The following FAM47E variants were observed in gnomAD, a reference collection of about 807,000 sequenced individuals.
FAM47E encodes the protein protein FAM47E.
In FAM47E, 32 loss-of-function variants were observed where a neutral mutation model predicts 41.6. The observed-to-expected ratio is 0.77, with a 90% CI of 0.58 to 1.03. The LOEUF (loss-of-function observed/expected upper bound fraction) is 1.03, where lower values mean the gene tolerates loss of function less well. Among genes scored for constraint, FAM47E ranks in the 50% least tolerant of loss-of-function variants. The probability of loss-of-function intolerance (pLI) is 0.00; values close to 1 mark genes in which losing one functional copy is unlikely to be tolerated. For missense variants in FAM47E, 424 were observed against 485.4 expected, an observed-to-expected ratio of 0.87 and a Z score of 1.19; for synonymous variants, 184 against 188.7, an observed-to-expected ratio of 0.98 and a Z score of 0.20.
intron 2 of FAM47E, among the ~76,000 whole-genome samples, chr4:76,241,168 T>C (rs955848447): frequency 2.6e-5 from 4 of 152,222 alleles, no homozygotes; most frequent in African/African-American, 4.8e-5. Flanking sequence ...TTTCTAAGCC[T>C]GTCCCTGGGC....
At chr4:76,256,639 T>G in intron 2 of FAM47E, 116 bp downstream of exon 2, 2 of 1,262,604 alleles carry the variant, frequency 1.6e-6, no homozygotes, top group East Asian at 2.6e-5. Flanking sequence ...GAGTGATGAA[T>G]GTCTCCCCCA....
At position 76,239,438 on chromosome 4, in the gene FAM47E, G is replaced by T. The variant is rs549387544; in HGVS notation, c.81+21750G>T. Among the ~76,000 whole-genome samples, 519 of 152,216 alleles carry T rather than the reference G, an allele frequency of 3.4e-3. 2 individuals are homozygous for T. Among genetic ancestry groups the T allele is most frequent in the African/African-American group, 0.012 (497 of 41,548 alleles). On this transcript the variant is annotated intron_variant, in intron 2 of 7. Transcript: ENST00000510197. ...TAGTAGCCATCCTAATAAGGGTGGGGTGGTATCTCATTGTTATTTTGATCT... is the reference window on the plus strand; with the variant it reads ...TAGTAGCCATCCTAATAAGGGTGGGTTGGTATCTCATTGTTATTTTGATCT...
chr4:76,249,103 C>T (rs1733895240), upstream of FAM47E, among the ~76,000 whole-genome samples: 2 of 152,070 alleles, frequency 1.3e-5, no homozygotes, highest in African/African-American at 2.4e-5. Flanking sequence ...TGGTACGTGC[C>T]TGTAATCCTA....
intron 2 of FAM47E, among the ~76,000 whole-genome samples, chr4:76,262,265 A>G (rs1734450098): frequency 1.3e-5 from 2 of 152,214 alleles, no homozygotes; most frequent in South Asian, 4.1e-4. Flanking sequence ...AAAAGAAAAA[A>G]AGCAACTATT....
intron 2 of FAM47E, among the ~76,000 whole-genome samples, chr4:76,230,646 A>T (rs997398511): frequency 3.3e-5 from 5 of 152,226 alleles, no homozygotes; most frequent in Admixed American, 6.5e-5. Flanking sequence ...GGGGTATGTG[A>T]GAGAGAGAGG....
At chr4:76,234,676 A>C (rs1733554340) in intron 2 of FAM47E, 1 of 152,280 alleles carries the variant, frequency 6.6e-6, no homozygotes, top group African/African-American at 2.4e-5. Context: ...TTGGCAGGCC[A>C]AGTTGAGAGG....
At chr4:76,248,096 A>G (rs1733870580), upstream of FAM47E, among the ~76,000 whole-genome samples, 1 of 151,444 alleles carries the variant, frequency 6.6e-6, no homozygotes, top group African/African-American at 2.4e-5. Context: ...TTGTATTTTT[A>G]GTAGAGATGG....
rs1578792947 is a variant in FAM47E, at chr4:76,268,494, A to G, written c.561-166A>G. 49 of 616,664 alleles carry G rather than the reference A, an allele frequency of 7.9e-5. No individual in the cohort carries two copies. In the East Asian group the frequency reaches 1.4e-3, roughly 18 times the overall value. 38.2% of individuals were successfully genotyped at this position (616,664 alleles called of 1,614,324 possible). On this transcript the variant is annotated intron_variant, in intron 3 of 7. Coordinates refer to ENST00000424749, the MANE Select transcript of FAM47E (RefSeq NM_001136570.3). The stretch of plus-strand genomic sequence containing the variant: ...ATATACTTGTCTTTATGATATTCGT[A>G]ATGAGAATGTGCTCTTTGAAAAATT...
intron 1 of FAM47E, among the ~76,000 whole-genome samples, chr4:76,255,808 A>G (rs1169154321): frequency 1.3e-5 from 2 of 152,140 alleles, no homozygotes; most frequent in Non-Finnish European, 2.9e-5. Context: ...GAATAGTGCC[A>G]TTTACGTAAA....
At chr4:76,235,892 A>G (rs1307137591) in intron 2 of FAM47E, among the ~76,000 whole-genome samples, 1 of 152,230 alleles carries the variant, frequency 6.6e-6, no homozygotes, top group African/African-American at 2.4e-5. Context: ...TGCTATTATT[A>G]TCATCATTTT....
chr4:76,250,546 G>A (rs1015198462), upstream of FAM47E, among the ~76,000 whole-genome samples: 1 of 152,026 alleles, frequency 6.6e-6, no homozygotes, highest in African/African-American at 2.4e-5. Context: ...CTGTGTAGAA[G>A]CTTTTTAGTT....
chr4:76,224,343 G>C (rs1733359505), intron 2 of FAM47E, among the ~76,000 whole-genome samples: 1 of 152,112 alleles, frequency 6.6e-6, no homozygotes, highest in African/African-American at 2.4e-5. Flanking sequence ...TTGCAACTTA[G>C]AGCCAGGCAC....
chr4:76,214,941 G>A (rs1394604745), intron 1 of FAM47E, among the ~76,000 whole-genome samples: 2 of 152,214 alleles, frequency 1.3e-5, no homozygotes, highest in African/African-American at 4.8e-5. Flanking sequence ...TGGGTGGAAG[G>A]AAGCATTTGA....
intron 2 of FAM47E, among the ~76,000 whole-genome samples, chr4:76,233,288 C>A (rs1733524253): frequency 6.6e-6 from 1 of 152,176 alleles, no homozygotes; most frequent in South Asian, 2.1e-4. Context: ...CCAGGCCTTA[C>A]CAGCTGTGAA....
intron 2 of FAM47E, among the ~76,000 whole-genome samples, chr4:76,224,778 G>A (rs1479894468): frequency 1.3e-5 from 2 of 151,794 alleles, no homozygotes; most frequent in East Asian, 3.9e-4. Context: ...AGAAGTTTTT[G>A]GGGAACAGGT....
chr4:76,270,960 A>G lies in FAM47E; in HGVS notation c.670-608A>G, dbSNP rs942739531. On this transcript the variant is annotated intron_variant, in intron 4 of 7. Coordinates refer to ENST00000424749, the MANE Select transcript of FAM47E (RefSeq NM_001136570.3). ...CTCTATAAATTTTACTCCAGCCACA[A>G]TGCCAGCTGCTGGTGACTTCATTCT... Among the ~76,000 whole-genome samples the G allele has an allele frequency of 2.6e-5, 4 of 152,086 alleles. No individual in the cohort carries two copies. In the South Asian group the frequency reaches 8.3e-4, roughly 32 times the overall value.
At chr4:76,258,517 T>G (rs1734278185) in intron 2 of FAM47E, among the ~76,000 whole-genome samples, 1 of 152,170 alleles carries the variant, frequency 6.6e-6, no homozygotes, top group African/African-American at 2.4e-5. Flanking sequence ...TAGAGGCGCT[T>G]CACTCAGTGG....
At chr4:76,271,853 T>C (rs1734905658) in intron 5 of FAM47E, 85 bp downstream of exon 5, 4 of 1,417,152 alleles carry the variant, frequency 2.8e-6, no homozygotes, top group Non-Finnish European at 3.7e-6. Context: ...TGATGTGTCA[T>C]GGGTACTGGT....
intron 1 of FAM47E, 45 bp from the exon 2 acceptor site, chr4:76,256,133 G>A (rs961014790): frequency 6.6e-7 from 1 of 1,525,140 alleles, no homozygotes. Flanking sequence ...AATATGAACA[G>A]GCATGTGGTA....
Sources: allele counts gnomAD v4.1 joint callset (sites outside exome capture counted in the v4.1 genomes callset), GRCh38; gene constraint gnomAD v4.1.1; transcripts MANE v1.5; gene names NCBI Gene and HGNC (gene_info 2026-07-23, HGNC 2026-07-21).